MID2: variants seen among roughly 807,000 people sequenced by gnomAD.
MID2 encodes the protein probable E3 ubiquitin-protein ligase MID2.
In MID2, 13 loss-of-function variants were observed where a neutral mutation model predicts 46.1. The observed-to-expected ratio is 0.28, with a 90% CI of 0.18 to 0.45. The LOEUF is 0.45. MID2 is among the 20% of genes least tolerant of loss of function. The probability of loss-of-function intolerance (pLI) is 1.00; values close to 1 mark genes in which losing one functional copy is unlikely to be tolerated. For synonymous variants in MID2, 199 were observed against 212.3 expected, an observed-to-expected ratio of 0.94 and a Z score of 0.55; for missense variants, 431 against 575.4, an observed-to-expected ratio of 0.75 and a Z score of 2.57.
At chrX:107,907,945 A>G (rs924850627) in intron 5 of MID2, among the ~76,000 whole-genome samples, 2 of 111,812 alleles carry the variant, frequency 1.8e-5, no homozygotes, top group Non-Finnish European at 3.8e-5. Flanking sequence ...AACTCACTTA[A>G]TCCTCAAAAA....
intron 3 of MID2, among the ~76,000 whole-genome samples, chrX:107,857,058 A>G (rs1440892329): frequency 8.9e-6 from 1 of 112,334 alleles, no homozygotes; most frequent in Non-Finnish European, 1.9e-5. Context: ...CACATGTGCA[A>G]GAAATACAGA....
At chrX:107,827,958 T>TAATC (rs1421736875) in intron 1 of MID2, among the ~76,000 whole-genome samples, 2 of 112,658 alleles carry the variant, frequency 1.8e-5, no homozygotes, top group East Asian at 5.5e-4. Flanking sequence ...TGTACAAATG[T>TAATC]AATCCCCAGT....
At chrX:107,923,349 T>C (rs1569471942) in intron 7 of MID2, among the ~76,000 whole-genome samples, 1 of 112,031 alleles carries the variant, frequency 8.9e-6, no homozygotes, top group African/African-American at 3.2e-5. Context: ...CAGACTAGAA[T>C]GTTGGTTTTT....
At chrX:107,907,150 GC>G (rs1261673569) in intron 5 of MID2, among the ~76,000 whole-genome samples, 1 of 111,850 alleles carries the variant, frequency 8.9e-6, no homozygotes, top group African/African-American at 3.3e-5. Context: ...TATTTGAGTT[GC>G]AGCACCCTAC....
intron 1 of MID2, 49 bp downstream of exon 1, chrX:107,826,479 C>CT (rs1930948395): frequency 8.9e-7 from 1 of 1,118,350 alleles, no homozygotes; most frequent in African/African-American, 1.9e-5. Context: ...CGTCGTAGCC[C>CT]TCGCAGGGCT....
At chrX:107,907,104 C>T (rs1264929135) in intron 5 of MID2, among the ~76,000 whole-genome samples, 1 of 111,920 alleles carries the variant, frequency 8.9e-6, no homozygotes, top group African/African-American at 3.2e-5. Flanking sequence ...CTGATAAAGT[C>T]CTAATCCTGA....
intron 3 of MID2, among the ~76,000 whole-genome samples, chrX:107,899,182 T>A (rs866195492): frequency 9.9e-5 from 4 of 40,518 alleles, no homozygotes; most frequent in Non-Finnish European, 1.4e-4. Flanking sequence ...CCCCTCCCCC[T>A]CCCCCCCCCC....
At chrX:107,923,968 A>G (rs968520866) in intron 7 of MID2, among the ~76,000 whole-genome samples, 10 of 112,092 alleles carry the variant, frequency 8.9e-5, no homozygotes, top group African/African-American at 2.9e-4. Flanking sequence ...CTCCATCCAT[A>G]CAAGACCAAA....
rs369545353 is a variant in MID2, at chrX:107,904,073, G to A, written c.924+8G>A. ...AAAATCAAAGAGACAAAGGTAAAGC[G>A]CAGCACTTCAGTGAATCCAAGGAAG... On this transcript the variant is annotated splice_region_variant and intron_variant, in intron 4 of 9. Transcript: ENST00000262843. 3.4e-5 allele frequency: 38 copies of A among 1,103,203 alleles called. No homozygotes were observed. The highest frequency in any genetic ancestry group is 2.2e-4 in the African/African-American group (12 of 55,243). 90.9% of individuals were successfully genotyped at this position (1,103,203 alleles called of 1,213,427 possible).
intron 3 of MID2, among the ~76,000 whole-genome samples, chrX:107,892,729 C>T (rs1375082325): frequency 8.9e-6 from 1 of 112,010 alleles, no homozygotes; most frequent in Non-Finnish European, 1.9e-5. Context: ...CTGTGAATCT[C>T]CCCTTCCTCT....
intron 2 of MID2, among the ~76,000 whole-genome samples, chrX:107,847,910 A>T (rs1931527471): frequency 1.8e-5 from 2 of 111,221 alleles, no homozygotes; most frequent in Admixed American, 1.9e-4. Flanking sequence ...TGAGTTTTTG[A>T]ATGCCCTGTT....
At chrX:107,897,586 T>C (rs1035827987) in intron 3 of MID2, among the ~76,000 whole-genome samples, 2 of 111,804 alleles carry the variant, frequency 1.8e-5, no homozygotes, top group African/African-American at 6.5e-5. Flanking sequence ...AAAAGAAGAT[T>C]GTCTCTTCTT....
intron 3 of MID2, among the ~76,000 whole-genome samples, chrX:107,900,858 T>C (rs1278361237): frequency 8.9e-6 from 1 of 112,396 alleles, no homozygotes; most frequent in Admixed American, 9.4e-5. Flanking sequence ...ATTGGTTTCT[T>C]TTATATGTAT....
intron 3 of MID2, among the ~76,000 whole-genome samples, chrX:107,883,291 G>A (rs929821396): frequency 9.0e-6 from 1 of 111,052 alleles, no homozygotes; most frequent in Non-Finnish European, 1.9e-5. Context: ...CATGGCACGT[G>A]TATACCTATG....
chrX:107,833,429 A>ATT (rs1192153525), intron 1 of MID2, among the ~76,000 whole-genome samples: 34 of 104,409 alleles, frequency 3.3e-4, no homozygotes, highest in South Asian at 2.0e-3. Flanking sequence ...ATATATATAT[A>ATT]TTTTTTTTAA....
chrX:107,880,433 A>G (rs1163296733), intron 3 of MID2, among the ~76,000 whole-genome samples: 4 of 111,315 alleles, frequency 3.6e-5, no homozygotes, highest in African/African-American at 1.3e-4. Context: ...AGGGTTTTCC[A>G]AAGGTAGTTT....
At chrX:107,833,665 C>G (rs1304212470) in intron 1 of MID2, among the ~76,000 whole-genome samples, 1 of 111,435 alleles carries the variant, frequency 9.0e-6, no homozygotes, top group African/African-American at 3.3e-5. Flanking sequence ...TAGAATTATG[C>G]AAAGTACAGA....
In MID2 at chrX:107,930,907, A is replaced by C. The variant is rs1933270556; in HGVS notation, c.*3834A>C. On this transcript the variant is annotated 3_prime_UTR_variant, in exon 10 of 10. Coordinates refer to ENST00000262843, the MANE Select transcript of MID2 (RefSeq NM_012216.4). ...TTTATATTGTCTTATTGAAGAAAGC[A>C]CAAAAATAATCAAAAATAAAGTAAA... 8.9e-6 allele frequency among the ~76,000 whole-genome samples: 1 copy of C among 112,667 alleles called. No individual in the cohort carries two copies. The highest frequency in any genetic ancestry group is 1.9e-5 in the Non-Finnish European group (1 of 53,290).
intron 7 of MID2, among the ~76,000 whole-genome samples, chrX:107,918,085 C>A (rs969191332): frequency 2.7e-5 from 3 of 111,524 alleles, no homozygotes; most frequent in African/African-American, 9.8e-5. Flanking sequence ...CCAAACCTAC[C>A]TCTATCAGTG....
Sources: allele counts gnomAD v4.1 joint callset (sites outside exome capture counted in the v4.1 genomes callset), GRCh38; gene constraint gnomAD v4.1.1; transcripts MANE v1.5; gene names NCBI Gene and HGNC (gene_info 2026-07-23, HGNC 2026-07-21).